CEP164: variants seen among roughly 807,000 people sequenced by gnomAD.
CEP164 encodes the protein centrosomal protein of 164 kDa.
A neutral mutation model predicts 182.7 loss-of-function variants in CEP164; 162 were observed. The ratio of observed to expected loss-of-function variants is 0.89; its 90% CI spans 0.78 to 1.01. The LOEUF (loss-of-function observed/expected upper bound fraction) is 1.01, where lower values mean the gene tolerates loss of function less well. Among genes scored for constraint, CEP164 ranks in the 50% least tolerant of loss-of-function variants. The pLI is 0.00. For synonymous variants in CEP164, 661 were observed against 690.0 expected (o/e 0.96, Z 0.66); for missense variants, 1,735 against 1,790.4 (o/e 0.97, Z 0.56).
At chr11:117,356,475 T>G (rs778668037) in intron 5 of CEP164, 2 of 1,283,496 alleles carry the variant, frequency 1.6e-6, no homozygotes. Flanking sequence ...CCTCAGGAGG[T>G]GGCCCTCGCC....
At chr11:117,374,259 T>C (rs1346847117) in intron 10 of CEP164, among the ~76,000 whole-genome samples, 1 of 152,088 alleles carries the variant, frequency 6.6e-6, no homozygotes, top group Non-Finnish European at 1.5e-5. Context: ...AGGGATGCCA[T>C]GGCTTCATTT....
At chr11:117,395,259 C>A in intron 23 of CEP164, 68 bp downstream of exon 23, 1 of 1,563,636 alleles carries the variant, frequency 6.4e-7, no homozygotes, top group South Asian at 1.1e-5. Context: ...TCCCTGTTCC[C>A]CACATTTTGT....
At chr11:117,407,793 T>C (rs1012736311) in intron 27 of CEP164, 132 bp from the exon 28 acceptor site, 9 of 604,078 alleles carry the variant, frequency 1.5e-5, no homozygotes, top group African/African-American at 7.5e-5. Flanking sequence ...TGAAAAGTCA[T>C]AGTTCTCTGT....
At chr11:117,359,389 A>G in intron 5 of CEP164, 1 of 985,116 alleles carries the variant, frequency 1.0e-6, no homozygotes, top group Non-Finnish European at 1.2e-6. Context: ...TGGTGTTACG[A>G]TTATCAGCTC....
At position 117,396,601 on chromosome 11, in the gene CEP164, T is replaced by C. The variant is rs140470210; in HGVS notation, c.3268T>C (p.Tyr1090His). 1.9e-5 allele frequency: 30 copies of C among 1,613,332 alleles called. No homozygotes were observed. In the African/African-American group the frequency reaches 2.8e-4, roughly 15 times the overall value. The change falls in exon 26 of 33, where the codon TAC (tyrosine) becomes CAC (histidine). Residue 1090 changes from tyrosine (Y) to histidine (H), a missense_variant. Physicochemically the swap from Tyr to His is moderately conservative, Grantham distance 83 (BLOSUM62 2). Coordinates refer to ENST00000278935, the MANE Select transcript of CEP164 (RefSeq NM_014956.5). The part of the protein sequence containing the change: ...SSLSQSKEDL[Y>H]LDSLSSHNVW... Reference sequence around the variant, plus strand: ...TCTCTCCCAGAGCAAGGAGGACTTATACTTGGACAGGTGAGTTCCCATAGC... The same window carrying C: ...TCTCTCCCAGAGCAAGGAGGACTTACACTTGGACAGGTGAGTTCCCATAGC...
At chr11:117,356,411 G>T in intron 5 of CEP164, 1 of 1,225,526 alleles carries the variant, frequency 8.2e-7, no homozygotes, top group Non-Finnish European at 1.0e-6. Context: ...GGCCATCAGA[G>T]TCATGGAGAG....
chr11:117,361,744 G>A (rs2041002584), intron 5 of CEP164, 91 bp from the exon 6 acceptor site: 3 of 1,365,470 alleles, frequency 2.2e-6, no homozygotes, highest in Non-Finnish European at 3.1e-6. Context: ...TGAGCGTGCA[G>A]GATTTAGATG....
At chr11:117,332,101 G>A (rs529000451) in intron 1 of CEP164, among the ~76,000 whole-genome samples, 3 of 151,592 alleles carry the variant, frequency 2.0e-5, no homozygotes, top group South Asian at 2.1e-4. Context: ...TGGGATTACC[G>A]GTGTGAGCCA....
At chr11:117,349,242 C>G (rs894404944) in intron 4 of CEP164, among the ~76,000 whole-genome samples, 1 of 152,042 alleles carries the variant, frequency 6.6e-6, no homozygotes, top group South Asian at 2.1e-4. Context: ...AGGCTGGTCT[C>G]GAACTCCCGA....
chr11:117,360,708 T>A (rs1018998786), intron 5 of CEP164, among the ~76,000 whole-genome samples: 1 of 152,116 alleles, frequency 6.6e-6, no homozygotes, highest in Admixed American at 6.5e-5. Context: ...TGTCCGTAGT[T>A]AAAAAAGTCA....
At chr11:117,372,956 C>G (rs1304315270) in intron 9 of CEP164, among the ~76,000 whole-genome samples, 1 of 152,190 alleles carries the variant, frequency 6.6e-6, no homozygotes, top group East Asian at 1.9e-4. Flanking sequence ...TTGGCAAGAT[C>G]AGGTCAGTGA....
chr11:117,338,698 T>C, intron 3 of CEP164, 30 bp downstream of exon 3: 1 of 1,539,926 alleles, frequency 6.5e-7, no homozygotes, highest in Non-Finnish European at 9.0e-7. Context: ...GCCTGTGGTG[T>C]ATTGTGTTTG....
chr11:117,382,831 A>G lies in CEP164; in HGVS notation c.1613A>G (p.Lys538Arg). Residue 538 changes from lysine to arginine, a missense_variant, in exon 14 of 33, where the codon AAG becomes AGG. Coordinates refer to ENST00000278935, the MANE Select transcript of CEP164 (RefSeq NM_014956.5). ...QAPSPPAACEKGKEQHSQAEE... is the reference protein window; with the variant it reads ...QAPSPPAACERGKEQHSQAEE... ...CCAAGCCCACCTGCTGCCTGTGAGAAGGGCAAGGAGCAGCATTCCCAGGCC... is the reference window on the plus strand; with the variant it reads ...CCAAGCCCACCTGCTGCCTGTGAGAGGGGCAAGGAGCAGCATTCCCAGGCC... 1.2e-6 allele frequency: 2 copies of G among 1,614,128 alleles called. No homozygotes were observed. The highest frequency in any genetic ancestry group is 1.7e-6 in the Non-Finnish European group (2 of 1,180,012).
chr11:117,344,133 C>A, intron 3 of CEP164, 33 bp from the exon 4 acceptor site: 1 of 1,317,554 alleles, frequency 7.6e-7, no homozygotes, highest in Non-Finnish European at 1.1e-6. Context: ...CTTTTCATCT[C>A]TCTTACTTTC....
chr11:117,322,682 A>G (rs2035292424), intron 1 of CEP164, among the ~76,000 whole-genome samples: 1 of 151,132 alleles, frequency 6.6e-6, no homozygotes, highest in Non-Finnish European at 1.5e-5. Context: ...CAGCCTCCCA[A>G]GTAGCTGAGA....
chr11:117,349,998 C>T (rs1251829294), intron 4 of CEP164, among the ~76,000 whole-genome samples: 1 of 152,164 alleles, frequency 6.6e-6, no homozygotes, highest in Non-Finnish European at 1.5e-5. Flanking sequence ...TGGTCTCAAA[C>T]TCCTGACCTC....
At chr11:117,325,884 T>C (rs2035410115), upstream of CEP164, among the ~76,000 whole-genome samples, 1 of 150,630 alleles carries the variant, frequency 6.6e-6, no homozygotes. Context: ...ACACATGCCA[T>C]AGAGGCTGGG....
intron 3 of CEP164, among the ~76,000 whole-genome samples, 196 bp downstream of exon 3, chr11:117,338,864 C>A (rs1278723316): frequency 1.3e-5 from 2 of 152,104 alleles, no homozygotes; most frequent in East Asian, 3.9e-4. Context: ...GTTGCCCAGG[C>A]TGGAGTGCAG....
At chr11:117,368,931 T>G (rs2041928177) in intron 8 of CEP164, among the ~76,000 whole-genome samples, 1 of 152,218 alleles carries the variant, frequency 6.6e-6, no homozygotes, top group African/African-American at 2.4e-5. Context: ...CCTTCGTGCC[T>G]TCTCTACTTT....
Sources: gnomAD v4.1 joint callset for allele counts (sites outside exome capture counted in the v4.1 genomes callset) on GRCh38, gnomAD v4.1.1 for gene constraint, MANE v1.5 for transcripts, NCBI Gene and HGNC (gene_info 2026-07-23, HGNC 2026-07-21) for gene names.